Variants in ITPR3 observed in about 807,000 individuals in gnomAD.
ITPR3 encodes the protein inositol 1,4,5-trisphosphate-gated calcium channel ITPR3.
Under a neutral mutation model 293.2 loss-of-function variants are expected in ITPR3, and 173 were observed. The observed-to-expected ratio is 0.59, with a 90% CI of 0.52 to 0.67. The LOEUF is 0.67. ITPR3 is among the 30% of genes least tolerant of loss of function. The pLI, the probability that ITPR3 is intolerant of heterozygous loss-of-function variation, is 0.00. For synonymous variants in ITPR3, 1,295 were observed against 1,444.4 expected (o/e 0.90, Z 2.35); for missense variants, 2,796 against 3,592.1 (o/e 0.78, Z 5.66).
chr6:33,663,435 G>A, intron 9 of ITPR3, 65 bp from the exon 10 acceptor site: 1 of 1,493,288 alleles, frequency 6.7e-7, no homozygotes, highest in Non-Finnish European at 9.2e-7. Context: ...ACCATGTTTT[G>A]CAGTGGGTCG....
chr6:33,661,991 T>TG (rs1764481473), intron 7 of ITPR3, among the ~76,000 whole-genome samples: 2 of 16,880 alleles, frequency 1.2e-4, no homozygotes, highest in Non-Finnish European at 3.5e-4. Flanking sequence ...TGACTGTCTC[T>TG]GAAAAAAAAA....
At chr6:33,669,519 C>G (rs976348273) in intron 18 of ITPR3, among the ~76,000 whole-genome samples, 1 of 152,236 alleles carries the variant, frequency 6.6e-6, no homozygotes, top group Non-Finnish European at 1.5e-5. Flanking sequence ...ATCGCTTGAA[C>G]CTGGGAGGCG....
chr6:33,693,471 G>A, intron 55 of ITPR3, 74 bp from the exon 56 acceptor site: 1 of 1,540,400 alleles, frequency 6.5e-7, no homozygotes, highest in Non-Finnish European at 8.9e-7. Context: ...CCGGAAGCTG[G>A]GTCCCCTCCA....
chr6:33,670,383 G>A lies in ITPR3; in HGVS notation c.2248G>A (p.Glu750Lys), dbSNP rs776399344. ...CLDRQYLAID[E>K]ISQQLGVDLI... ...GGACCGCCAGTACTTGGCCATCGAC[G>A]AGATCTCCCAGCAGCTGGGCGTGGA... Residue 750 changes from glutamate to lysine, a missense_variant, in exon 19 of 58, where the codon GAG (glutamate) becomes AAG (lysine). Transcript: ENST00000605930. The surrounding 1 kb of genome is among the most constrained non-coding windows in gnomAD (Gnocchi z 6.7). The A allele has an allele frequency of 9.9e-6, 16 of 1,613,944 alleles. No homozygotes were observed. The East Asian group carries it at 2.5e-4, about 25-fold the overall frequency.
chr6:33,628,864 A>AGCCAGCCAGCCG (rs1763607981), intron 1 of ITPR3, among the ~76,000 whole-genome samples: 1 of 152,022 alleles, frequency 6.6e-6, no homozygotes, highest in South Asian at 2.1e-4. Context: ...TCAGCCAGCC[A>AGCCAGCCAGCCG]GCCCGCCAGC....
At position 33,695,237 on chromosome 6, in the gene ITPR3, A is replaced by G. The variant is rs558172702; in HGVS notation, c.7947+152A>G. On this transcript the variant is annotated intron_variant, in intron 57 of 57. Coordinates refer to ENST00000605930, the MANE Select transcript of ITPR3 (RefSeq NM_002224.4). ...AGGTGCCAAACCCACTCTCCCCTGC[A>G]TGGCAAGTCAGACTGGGGTTGACAA... The G allele has an allele frequency of 2.9e-4, 237 of 805,740 alleles. 1 individual carries two copies. The highest frequency in any genetic ancestry group is 1.5e-3 in the Middle Eastern group (4 of 2,726). The allele number at this position is 805,740 out of a possible 1,614,324, so 49.9% of individuals were successfully genotyped here. A position where few individuals can be genotyped will look rare whatever the true frequency, so the allele number is the denominator to read the frequency against.
At position 33,658,140 on chromosome 6, in the gene ITPR3, T is replaced by A. The variant is rs1486304509; in HGVS notation, c.369+122T>A. ...GCATGTGTGTCCCCGGGTGAATGAG[T>A]GGCCCTGGGGCCACCTGTGTGGCTG... On this transcript the variant is annotated intron_variant, in intron 4 of 57. Transcript: ENST00000605930. This position sits in a 1 kb window ranked among gnomAD's most constrained non-coding sequence, Gnocchi z 6.1. 4 of 829,446 alleles carry A rather than the reference T, an allele frequency of 4.8e-6. No homozygotes were observed. The highest frequency in any genetic ancestry group is 3.4e-5 in the African/African-American group (2 of 59,100). 51.4% of individuals were successfully genotyped at this position (829,446 alleles called of 1,614,324 possible).
chr6:33,635,299 AT>A (rs1763794024), intron 1 of ITPR3, among the ~76,000 whole-genome samples: 1 of 152,074 alleles, frequency 6.6e-6, no homozygotes, highest in Non-Finnish European at 1.5e-5. Flanking sequence ...TCTTTATATT[AT>A]TTATCTTCTG....
chr6:33,671,681 C>T (rs1764770964), intron 21 of ITPR3, among the ~76,000 whole-genome samples: 1 of 152,200 alleles, frequency 6.6e-6, no homozygotes, highest in Non-Finnish European at 1.5e-5. Flanking sequence ...GTCATCTAAA[C>T]AAAAGGTGCC....
intron 57 of ITPR3, 38 bp from the exon 58 acceptor site, chr6:33,695,674 C>A: frequency 6.3e-7 from 1 of 1,597,178 alleles, no homozygotes; most frequent in Non-Finnish European, 8.6e-7. Context: ...AGGTGCCAGG[C>A]GGCCTGACCA....
chr6:33,675,722 G>A lies in ITPR3; in HGVS notation c.3148G>A (p.Glu1050Lys), dbSNP rs1319382600. 22 of 1,609,738 alleles carry A rather than the reference G, an allele frequency of 1.4e-5. No individual in the cohort carries two copies. Among genetic ancestry groups the A allele is most frequent in the Non-Finnish European group, 1.6e-5 (19 of 1,177,984 alleles). Residue 1050 changes from glutamate to lysine, a missense_variant, in exon 25 of 58, where the codon GAG (glutamate) becomes AAG (lysine). Glu to Lys is a moderately conservative substitution (Grantham distance 56, BLOSUM62 1). This residue lies in a region of ITPR3 where 955 missense variants were observed against 1,180.8 expected (regional missense o/e 0.81). Transcript: ENST00000605930. This position sits in a 1 kb window ranked among gnomAD's most constrained non-coding sequence, Gnocchi z 5.0. ...AAGCAGCATGCTGGAGGTGGATGAC[G>A]AGGGCGGCCGCATGTTCCTGCGCGT... ...KTSSMLEVDD[E>K]GGRMFLRVLI... is the part of the protein sequence containing the mutation.
Position 33,680,338 on chromosome 6 carries a change from G to A in ITPR3, c.4234G>A (p.Ala1412Thr), listed in dbSNP as rs201403734. ...CCCGCCCACTGCCCAGGTGAAAATG[G>A]CCTATGTGAACTTCGTGAACCACTG... is the stretch of plus-strand genomic sequence containing the variant. ...HEDCITEVKM[A>T]YVNFVNHCYV... The change falls in exon 32 of 58, where the codon GCC becomes ACC. Residue 1412 changes from alanine to threonine, a missense_variant. Around this residue, in one of 8 missense-constraint regions of ITPR3, gnomAD observed 344 missense variants for 460.3 expected, o/e 0.75. Coordinates refer to ENST00000605930, the MANE Select transcript of ITPR3 (RefSeq NM_002224.4). 7 of 1,613,362 alleles carry A rather than the reference G, an allele frequency of 4.3e-6. No individual in the cohort carries two copies. The highest frequency in any genetic ancestry group is 5.9e-6 in the Non-Finnish European group (7 of 1,179,918).
intron 56 of ITPR3, 196 bp from the exon 57 acceptor site, chr6:33,694,725 GGGT>G: frequency 1.7e-6 from 1 of 578,736 alleles, no homozygotes; most frequent in South Asian, 2.4e-5. Flanking sequence ...CGGTGGCAGA[GGGT>G]TGACAAGAGG....
chr6:33,659,638 TCAG>T, intron 7 of ITPR3, 89 bp downstream of exon 7: 1 of 1,119,166 alleles, frequency 8.9e-7, no homozygotes, highest in South Asian at 1.3e-5. Context: ...CCGCCAGGCC[TCAG>T]GCCCTTACCC....
intron 56 of ITPR3, 126 bp downstream of exon 56, chr6:33,693,831 C>CT (rs1582172411): frequency 8.8e-7 from 1 of 1,140,688 alleles, no homozygotes; most frequent in East Asian, 2.6e-5. Context: ...GTGGCCCTAT[C>CT]TGACTGTTGG....
intron 3 of ITPR3, among the ~76,000 whole-genome samples, chr6:33,656,694 C>T (rs1170166903): frequency 2.6e-5 from 4 of 151,652 alleles, no homozygotes; most frequent in East Asian, 1.9e-4. Flanking sequence ...GTCCCAACCC[C>T]GTTCCCCAAA....
At chr6:33,661,992 G>GAAAAAAAAAAAAAAACAAAAAA (rs1764482308) in intron 7 of ITPR3, among the ~76,000 whole-genome samples, 1 of 47,186 alleles carries the variant, frequency 2.1e-5, no homozygotes, top group African/African-American at 6.6e-5. Context: ...GACTGTCTCT[G>GAAAAAAAAAAAAAAACAAAAAA]AAAAAAAAAA....
Position 33,691,867 on chromosome 6 carries a change from T to C in ITPR3, c.7397T>C (p.Met2466Thr), listed in dbSNP as rs1582169764. 3 of 1,614,126 alleles carry C rather than the reference T, an allele frequency of 1.9e-6. No homozygotes were observed. Among genetic ancestry groups the C allele is most frequent in the East Asian group, 2.2e-5 (1 of 44,880 alleles). ...DTLLMCIVTVMNHGLRNGGGV... is the reference protein window; with the variant it reads ...DTLLMCIVTVTNHGLRNGGGV... ...CTGTTGATGTGCATCGTCACTGTCA[T>C]GAACCATGGGCTACGCAACGGTGGT... Residue 2466 changes from methionine to threonine, a missense_variant, in exon 54 of 58, where the codon ATG (methionine) becomes ACG (threonine). This residue lies in a region of ITPR3 where 568 missense variants were observed against 796.1 expected (regional missense o/e 0.71). Coordinates refer to ENST00000605930, the MANE Select transcript of ITPR3 (RefSeq NM_002224.4). The surrounding 1 kb of genome is among the most constrained non-coding windows in gnomAD (Gnocchi z 4.9).
chr6:33,622,576 CTG>C (rs1262006293), intron 1 of ITPR3, among the ~76,000 whole-genome samples: 1 of 152,178 alleles, frequency 6.6e-6, no homozygotes, highest in African/African-American at 2.4e-5. Context: ...CGTTTACAGT[CTG>C]GGGGCCTGGG....
Sources: allele counts gnomAD v4.1 joint callset (sites outside exome capture counted in the v4.1 genomes callset), GRCh38; gene constraint gnomAD v4.1.1; regional missense constraint gnomAD v4.1.1; non-coding constraint Gnocchi (gnomAD v3.1); transcripts MANE v1.5; gene names NCBI Gene and HGNC (gene_info 2026-07-23, HGNC 2026-07-21).